DDX11: variants seen among roughly 807,000 people sequenced by gnomAD.
DDX11 encodes ATP-dependent DNA helicase DDX11.
Under a neutral mutation model 125.2 loss-of-function variants are expected in DDX11, and 72 were observed. That is an observed-to-expected ratio of 0.58 (90% CI 0.48 to 0.70). The LOEUF (loss-of-function observed/expected upper bound fraction) is 0.70, where lower values mean the gene tolerates loss of function less well. DDX11 is among the 30% of genes least tolerant of loss of function. The pLI is 0.00. For synonymous variants in DDX11, 347 were observed against 452.6 expected (o/e 0.77, Z 2.96); for missense variants, 883 against 1,165.0 (o/e 0.76, Z 3.52).
chr12:31,083,382 C>T (rs1474991113), intron 2 of DDX11, among the ~76,000 whole-genome samples: 2 of 151,878 alleles, frequency 1.3e-5, no homozygotes, highest in African/African-American at 2.4e-5. Flanking sequence ...CCTGTATCCA[C>T]GCACGAGCTG....
At chr12:31,089,263 T>C (rs754643339) in intron 7 of DDX11, 112 bp downstream of exon 7, 16 of 1,341,618 alleles carry the variant, frequency 1.2e-5, no homozygotes, top group Non-Finnish European at 1.4e-5. Context: ...CTGAACCGTG[T>C]GAGGAGCAGC....
intron 1 of DDX11, among the ~76,000 whole-genome samples, chr12:31,075,430 G>C (rs1223652307): frequency 6.6e-6 from 1 of 152,008 alleles, no homozygotes; most frequent in African/African-American, 2.4e-5. Context: ...TGGGGGTCTG[G>C]CAGATGTGGT....
intron 19 of DDX11, 106 bp downstream of exon 19, chr12:31,100,813 C>G: frequency 7.5e-7 from 1 of 1,324,570 alleles, no homozygotes; most frequent in South Asian, 1.3e-5. Context: ...CGGAGGAGAC[C>G]CCGGGGTGGG....
rs1164509548 is a variant in DDX11, at chr12:31,101,894, G to A, written c.2114G>A (p.Cys705Tyr). 6 of 1,613,932 alleles carry A rather than the reference G, an allele frequency of 3.7e-6. No individual in the cohort carries two copies. The highest frequency in any genetic ancestry group is 4.2e-6 in the Non-Finnish European group (5 of 1,179,836). Reference sequence around the variant, plus strand: ...GGTGTGGTTCCTGGAGGGGTGGTCTGTTTCTTCCCCTCCTACGAGTACCTG... The same window carrying A: ...GGTGTGGTTCCTGGAGGGGTGGTCTATTTCTTCCCCTCCTACGAGTACCTG... The part of the protein sequence containing the change: ...LCGVVPGGVV[C>Y]FFPSYEYLRQ... Residue 705 changes from cysteine to tyrosine, a missense_variant, in exon 21 of 27, where the codon TGT becomes TAT. This residue lies in a region of DDX11 where 285 missense variants were observed against 346.0 expected (regional missense o/e 0.82). Coordinates refer to ENST00000542838, the MANE Select transcript of DDX11 (RefSeq NM_030653.4).
intron 6 of DDX11, among the ~76,000 whole-genome samples, chr12:31,088,404 G>T (rs1943552137): frequency 6.6e-6 from 1 of 152,086 alleles, no homozygotes; most frequent in South Asian, 2.1e-4. Flanking sequence ...TGTCCCTGCT[G>T]GGTGGTACGG....
chr12:31,092,834 T>G lies in DDX11; in HGVS notation c.1243-12T>G. On this transcript the variant is annotated splice_polypyrimidine_tract_variant and intron_variant, in intron 10 of 26. Transcript: ENST00000542838. Reference sequence around the variant, plus strand: ...CTGCTTGCTCAGAGCCTGGTTTGTGTTCTTTCCCCAGCTCTGCCAGGCCCA... The same window carrying G: ...CTGCTTGCTCAGAGCCTGGTTTGTGGTCTTTCCCCAGCTCTGCCAGGCCCA... 1 of 1,613,824 alleles carries G rather than the reference T, an allele frequency of 6.2e-7. No homozygotes were observed. Among genetic ancestry groups the G allele is most frequent in the South Asian group, 1.1e-5 (1 of 91,074 alleles).
At chr12:31,081,295 G>A (rs4031340) in intron 2 of DDX11, among the ~76,000 whole-genome samples, 3 of 152,182 alleles carry the variant, frequency 2.0e-5, no homozygotes, top group Non-Finnish European at 4.4e-5. Context: ...TGGGTGTCCC[G>A]CAGCCCATAG....
Position 31,084,687 on chromosome 12 carries a change from G to C in DDX11, c.480+18G>C, listed in dbSNP as rs553399358. 6.4e-6 allele frequency: 10 copies of C among 1,570,508 alleles called. No individual in the cohort carries two copies. The highest frequency in any genetic ancestry group is 1.4e-5 in the African/African-American group (1 of 74,002). ...AGCGCCTGGTGAGCCTCATTTCTTGGGGGGCAGGATTATGTCCAGGCAGGG... is the reference window on the plus strand; with the variant it reads ...AGCGCCTGGTGAGCCTCATTTCTTGCGGGGCAGGATTATGTCCAGGCAGGG... On this transcript the variant is annotated intron_variant, in intron 4 of 26. Transcript: ENST00000542838.
rs1448495656 is a variant in DDX11, at chr12:31,104,340, CCCT to C, written c.*511_*513del. On this transcript the variant is annotated 3_prime_UTR_variant, in exon 27 of 27. Transcript: ENST00000542838. The stretch of plus-strand genomic sequence containing the variant: ...TCCTGCCCAGGGGCTTGTCACCTTC[CCCT>C]CCTCCTTCCTGAGTCACTCCTTCAG... The C allele has an allele frequency of 2.2e-5, 8 of 364,868 alleles. No homozygotes were observed. The highest frequency in any genetic ancestry group is 4.0e-5 in the Non-Finnish European group (8 of 199,820). The allele number at this position is 364,868 out of a possible 1,614,324, so 22.6% of individuals were successfully genotyped here.
At position 31,102,967 on chromosome 12, in the gene DDX11, A is replaced by G. The variant is rs1178219465; in HGVS notation, c.2404A>G (p.Asn802Asp). 1 of 1,613,912 alleles carries G rather than the reference A, an allele frequency of 6.2e-7. No individual in the cohort carries two copies. The highest frequency in any genetic ancestry group is 2.2e-5 in the East Asian group (1 of 44,878). ...GGTGATGGTGGGCATGCCCTTCCCC[A>G]ACATCAGGTCTGCAGAGCTGCAGGA... ...CVVMVGMPFP[N>D]IRSAELQEKM... Residue 802 changes from asparagine (N) to aspartate (D), a missense_variant, in exon 24 of 27, where the codon AAC (asparagine) becomes GAC (aspartate). By Grantham distance (23) the Asn-to-Asp change is conservative (BLOSUM62 1). This residue lies in a region of DDX11 where 285 missense variants were observed against 346.0 expected (regional missense o/e 0.82). Transcript: ENST00000542838.
At chr12:31,100,572 G>A (rs538686059) in intron 18 of DDX11, 63 bp from the exon 19 acceptor site, 13 of 1,461,118 alleles carry the variant, frequency 8.9e-6, no homozygotes, top group Non-Finnish European at 1.1e-5. Context: ...CAGACTTCTC[G>A]CTTCCTTTCT....
At chr12:31,094,145 C>T (rs1592730229) in intron 12 of DDX11, 1 of 282,238 alleles carries the variant, frequency 3.5e-6, no homozygotes, top group East Asian at 8.8e-5. Flanking sequence ...ATGGGGCACC[C>T]CCTTGGAAGG....
chr12:31,101,641 C>T lies in DDX11; in HGVS notation c.2053-192C>T, dbSNP rs1946399014. ...AGAAAGGCGCAGTCAGCAGCAGCGG[C>T]TGGGTGTGTTTGGTGGGAGGTGGCA... On this transcript the variant is annotated intron_variant, in intron 20 of 26. Transcript: ENST00000542838. 25 of 665,150 alleles carry T rather than the reference C, an allele frequency of 3.8e-5. No homozygotes were observed. In the South Asian group the frequency reaches 4.2e-4, roughly 11 times the overall value. 41.2% of individuals were successfully genotyped at this position (665,150 alleles called of 1,614,324 possible).
At chr12:31,094,226 C>G (rs1337760618) in intron 12 of DDX11, 1 of 348,668 alleles carries the variant, frequency 2.9e-6, no homozygotes, top group Non-Finnish European at 5.6e-6. Flanking sequence ...TGTTGCTGCT[C>G]TGAGCCACCA....
chr12:31,093,340 C>G lies in DDX11; in HGVS notation c.1369+16C>G, dbSNP rs1944577242. 4 of 1,613,668 alleles carry G rather than the reference C, an allele frequency of 2.5e-6. No homozygotes were observed. The highest frequency in any genetic ancestry group is 1.7e-5 in the Admixed American group (1 of 59,970). ...GTGCTAGGGGGTGAGAGCCTCGTCC[C>G]CCTGCTGACCCCGGGCCTGCAAAAC... On this transcript the variant is annotated intron_variant, in intron 12 of 26. Coordinates refer to ENST00000542838, the MANE Select transcript of DDX11 (RefSeq NM_030653.4).
At chr12:31,080,594 GTC>G (rs1429536759) in intron 2 of DDX11, among the ~76,000 whole-genome samples, 3 of 105,896 alleles carry the variant, frequency 2.8e-5, no homozygotes, top group East Asian at 5.9e-4. Flanking sequence ...GGGCTTGAGT[GTC>G]TCTGCCGAAA....
Position 31,102,506 on chromosome 12 carries a change from ACTT to A in DDX11, c.2354_2356del (p.Phe785del), listed in dbSNP as rs1946568990. ...GGAGGAAAGATGAGTGAAGGGATCA[ACTT>A]CTCTGACAACCTAGGCCGGTAAGTA... On this transcript the variant is annotated inframe_deletion, in exon 23 of 27. Transcript: ENST00000542838. 1.9e-6 allele frequency: 3 copies of A among 1,613,708 alleles called. No individual in the cohort carries two copies. Among genetic ancestry groups the A allele is most frequent in the Non-Finnish European group, 2.5e-6 (3 of 1,179,778 alleles).
Position 31,104,017 on chromosome 12 carries a change from G to A in DDX11, c.*181G>A. 5 of 1,554,158 alleles carry A rather than the reference G, an allele frequency of 3.2e-6. No homozygotes were observed. In the East Asian group the frequency reaches 9.8e-5, roughly 30 times the overall value. On this transcript the variant is annotated 3_prime_UTR_variant, in exon 27 of 27. Coordinates refer to ENST00000542838, the MANE Select transcript of DDX11 (RefSeq NM_030653.4). Reference sequence around the variant, plus strand: ...GGCGTTAGCTCCCGTAGGAGAAAATGGGGGAATCCTGAATGAACAGTGGGT... The same window carrying A: ...GGCGTTAGCTCCCGTAGGAGAAAATAGGGGAATCCTGAATGAACAGTGGGT...
chr12:31,095,471 C>T (rs564366700), intron 14 of DDX11, among the ~76,000 whole-genome samples: 13 of 152,364 alleles, frequency 8.5e-5, no homozygotes, highest in African/African-American at 3.1e-4. Flanking sequence ...GTGGCAGAGA[C>T]AGCGTCCAAA....
Sources: gnomAD v4.1 joint callset for allele counts (sites outside exome capture counted in the v4.1 genomes callset) on GRCh38, gnomAD v4.1.1 for gene constraint, gnomAD v4.1.1 regional missense constraint, MANE v1.5 for transcripts, NCBI Gene and HGNC (gene_info 2026-07-23, HGNC 2026-07-21) for gene names.